CCDC192: variants seen among roughly 807,000 people sequenced by gnomAD.
The protein encoded by CCDC192 is coiled-coil domain containing 192.
chr5:127,833,043 G>C (rs245202), intron 5 of CCDC192, among the ~76,000 whole-genome samples: 115,699 of 152,126 alleles, frequency 0.76, 44,291 homozygotes, highest in East Asian at 0.95. Flanking sequence ...TAGCCCTCTT[G>C]TAAAAGATGA....
At chr5:127,805,195 A>G (rs1313777205) in intron 5 of CCDC192, among the ~76,000 whole-genome samples, 6 of 152,232 alleles carry the variant, frequency 3.9e-5, no homozygotes. Context: ...TTAGAGTCAC[A>G]TAACAATATA....
chr5:127,802,155 A>G (rs888277915), intron 5 of CCDC192, among the ~76,000 whole-genome samples: 8 of 152,228 alleles, frequency 5.3e-5, no homozygotes, highest in Non-Finnish European at 1.0e-4. Context: ...ATCTGTTTAT[A>G]TATCCGTTAC....
intron 3 of CCDC192, among the ~76,000 whole-genome samples, chr5:127,762,247 A>G (rs1328723809): frequency 6.6e-6 from 1 of 152,236 alleles, no homozygotes; most frequent in South Asian, 2.1e-4. Context: ...GTGTACTTTA[A>G]TGCCATAAAA....
At chr5:127,814,277 G>A (rs914972076) in intron 5 of CCDC192, among the ~76,000 whole-genome samples, 3 of 152,190 alleles carry the variant, frequency 2.0e-5, no homozygotes, top group Non-Finnish European at 2.9e-5. Context: ...CTTCTTTGTG[G>A]AATTGCTAAT....
At chr5:127,716,190 T>C (rs1580520603) in intron 2 of CCDC192, among the ~76,000 whole-genome samples, 1 of 152,282 alleles carries the variant, frequency 6.6e-6, no homozygotes, top group Admixed American at 6.5e-5. Context: ...ATGAGTAATG[T>C]TTATTGATTT....
intron 5 of CCDC192, among the ~76,000 whole-genome samples, chr5:127,829,020 G>C (rs1461534471): frequency 1.3e-5 from 2 of 152,156 alleles, no homozygotes; most frequent in Non-Finnish European, 2.9e-5. Context: ...CTCTCCTTTG[G>C]AAAGAGGTAA....
intron 5 of CCDC192, among the ~76,000 whole-genome samples, chr5:127,846,976 T>A (rs1262480957): frequency 6.6e-6 from 1 of 152,154 alleles, no homozygotes; most frequent in Non-Finnish European, 1.5e-5. Flanking sequence ...GTCCCCCTCT[T>A]GTGCAGGCCT....
At chr5:127,829,709 T>A (rs565689254) in intron 5 of CCDC192, among the ~76,000 whole-genome samples, 1 of 152,342 alleles carries the variant, frequency 6.6e-6, no homozygotes, top group African/African-American at 2.4e-5. Flanking sequence ...AAAGGTTACT[T>A]AATTCTCAGT....
chr5:127,794,116 A>T (rs1240436557), intron 3 of CCDC192, among the ~76,000 whole-genome samples: 1 of 152,202 alleles, frequency 6.6e-6, no homozygotes, highest in Non-Finnish European at 1.5e-5. Context: ...AATTCTGTGC[A>T]GTGTGAGTAA....
intron 6 of CCDC192, among the ~76,000 whole-genome samples, chr5:127,893,312 C>T (rs1752783803): frequency 1.3e-5 from 2 of 152,202 alleles, no homozygotes; most frequent in African/African-American, 4.8e-5. Flanking sequence ...ATTTCCTCAA[C>T]TTTAATATGA....
At chr5:127,718,169 T>C (rs1229252265) in intron 2 of CCDC192, among the ~76,000 whole-genome samples, 8 of 152,204 alleles carry the variant, frequency 5.3e-5, no homozygotes, top group Admixed American at 2.6e-4. Flanking sequence ...ATTTCATTTT[T>C]AATTTACATG....
intron 5 of CCDC192, among the ~76,000 whole-genome samples, chr5:127,849,356 A>G (rs1750699379): frequency 6.6e-6 from 1 of 151,992 alleles, no homozygotes; most frequent in Admixed American, 6.6e-5. Context: ...TTAGCAGCCC[A>G]CAAGCCACAG....
intron 5 of CCDC192, among the ~76,000 whole-genome samples, chr5:127,854,515 G>A (rs891168031): frequency 2.0e-5 from 3 of 152,112 alleles, no homozygotes; most frequent in Non-Finnish European, 4.4e-5. Flanking sequence ...TATCATAGGT[G>A]TGTATGTATA....
chr5:127,886,551 A>G (rs1752565570), intron 6 of CCDC192, among the ~76,000 whole-genome samples: 1 of 152,166 alleles, frequency 6.6e-6, no homozygotes, highest in Non-Finnish European at 1.5e-5. Flanking sequence ...TACTTAATGG[A>G]TACTAAATAT....
intron 3 of CCDC192, among the ~76,000 whole-genome samples, chr5:127,766,229 C>T (rs143245608): frequency 6.6e-6 from 1 of 152,242 alleles, no homozygotes; most frequent in Non-Finnish European, 1.5e-5. Context: ...TGAGTCTGAT[C>T]TGCTCAGTCA....
chr5:127,923,377 C>CTT (rs746234133), intron 6 of CCDC192, among the ~76,000 whole-genome samples: 8 of 142,390 alleles, frequency 5.6e-5, no homozygotes, highest in South Asian at 2.2e-4. Flanking sequence ...TTTCATTAGT[C>CTT]TTTTTTTTTT....
intron 5 of CCDC192, among the ~76,000 whole-genome samples, chr5:127,872,478 G>A (rs1045303677): frequency 2.0e-5 from 3 of 152,106 alleles, no homozygotes; most frequent in Admixed American, 6.5e-5. Flanking sequence ...TGTGCCCCTC[G>A]GGGAGCTGGA....
intron 2 of CCDC192, among the ~76,000 whole-genome samples, chr5:127,720,023 C>G (rs866875832): frequency 6.6e-6 from 1 of 152,054 alleles, no homozygotes; most frequent in Non-Finnish European, 1.5e-5. Context: ...TCATTTCACC[C>G]TCACCCTCCC....
At chr5:127,905,365 A>G (rs560090871) in intron 6 of CCDC192, among the ~76,000 whole-genome samples, 1 of 152,340 alleles carries the variant, frequency 6.6e-6, no homozygotes, top group Non-Finnish European at 1.5e-5. Context: ...TAGCACTTGG[A>G]AAAATATTGA....
Sources: allele counts gnomAD v4.1 joint callset (sites outside exome capture counted in the v4.1 genomes callset), GRCh38; gene constraint gnomAD v4.1.1; transcripts MANE v1.5; gene names NCBI Gene and HGNC (gene_info 2026-07-23, HGNC 2026-07-21).